The following DNM1 variants were observed in gnomAD, a reference collection of about 807,000 sequenced individuals.
DNM1 encodes the protein dynamin 1.
DNM1 carries 29 observed loss-of-function variants against 104.6 expected under a neutral mutation model. The observed-to-expected ratio is 0.28, with a 90% CI of 0.21 to 0.38. DNM1 has a LOEUF of 0.38. Ranked by LOEUF, DNM1 falls within the 10% of genes least tolerant of loss-of-function variation. The pLI is 1.00. For synonymous variants in DNM1, 445 were observed against 475.8 expected, an observed-to-expected ratio of 0.94 and a Z score of 0.84; for missense variants, 640 against 1,189.4, an observed-to-expected ratio of 0.54 and a Z score of 6.79.
intron 10 of DNM1, among the ~76,000 whole-genome samples, chr9:128,225,414 G>C (rs1835281799): frequency 6.6e-6 from 1 of 152,162 alleles, no homozygotes; most frequent in African/African-American, 2.4e-5. Context: ...GCAACCCTAG[G>C]AGGCAGCCTC....
chr9:128,207,403 A>G (rs898363028), intron 1 of DNM1, among the ~76,000 whole-genome samples: 7 of 152,052 alleles, frequency 4.6e-5, no homozygotes, highest in African/African-American at 1.7e-4. Context: ...CCCAGCACAC[A>G]CCAGCCTTTC....
rs200136679 is a variant in DNM1, at chr9:128,220,289, G to A, written c.797G>A (p.Arg266His). 66 of 1,614,170 alleles carry A rather than the reference G, an allele frequency of 4.1e-5. No individual in the cohort carries two copies. In the East Asian group the frequency reaches 1.2e-3, roughly 29 times the overall value. ...TTCTTCCTCTCCCATCCATCTTATC[G>A]CCACTTGGCTGACCGTATGGGCACG... ...RKFFLSHPSY[R>H]HLADRMGTPY... The change falls in exon 6 of 22, where the codon CGC (arginine) becomes CAC (histidine). Residue 266 changes from arginine (R) to histidine (H), a missense_variant. Around this residue, in one of 7 missense-constraint regions of DNM1, gnomAD observed 81 missense variants for 99.8 expected, o/e 0.81. Transcript: ENST00000372923. This position sits in a 1 kb window ranked among gnomAD's most constrained non-coding sequence, Gnocchi z 5.2.
At position 128,224,205 on chromosome 9, in the gene DNM1, G is replaced by T. The variant is rs749694696; in HGVS notation, c.1197-46G>T. ...AGCCTCGGCCTGGCCCTCCTGGCCG[G>T]CACTGGCCTGTGACACTCTGCCCTT... On this transcript the variant is annotated intron_variant, in intron 9 of 21. Coordinates refer to ENST00000372923, the MANE Select transcript of DNM1 (RefSeq NM_004408.4). This position sits in a 1 kb window ranked among gnomAD's most constrained non-coding sequence, Gnocchi z 4.3. The T allele has an allele frequency of 3.1e-6, 5 of 1,589,516 alleles. No homozygotes were observed. In the East Asian group the frequency reaches 1.1e-4, roughly 36 times the overall value.
At chr9:128,230,292 A>G (rs928664629) in intron 10 of DNM1, among the ~76,000 whole-genome samples, 1 of 148,744 alleles carries the variant, frequency 6.7e-6, no homozygotes, top group African/African-American at 2.5e-5. Flanking sequence ...ATTGTTGGGA[A>G]AAAAAAAAAG....
chr9:128,226,692 A>T (rs1835362144), intron 10 of DNM1, among the ~76,000 whole-genome samples: 1 of 152,200 alleles, frequency 6.6e-6, no homozygotes, highest in African/African-American at 2.4e-5. Context: ...AGCATATTGG[A>T]TTACTCACTT....
intron 11 of DNM1, among the ~76,000 whole-genome samples, chr9:128,235,510 T>C (rs1835957779): frequency 6.6e-6 from 1 of 150,962 alleles, no homozygotes; most frequent in African/African-American, 2.4e-5. Context: ...AAAAAAAAGC[T>C]GCTTCCTTTT....
At chr9:128,230,007 C>G (rs962872766) in intron 10 of DNM1, among the ~76,000 whole-genome samples, 3 of 151,700 alleles carry the variant, frequency 2.0e-5, no homozygotes, top group Non-Finnish European at 4.4e-5. Flanking sequence ...ATCACGAGGT[C>G]AGGAGTTCAA....
In DNM1 at chr9:128,218,370, A is replaced by G. The variant is rs907480629; in HGVS notation, c.235+66A>G. ...CAGCCTCTCCCCCGTCCCCAAGCTG[A>G]GGGCCAGCCTGGCCACGAACTTGCT... On this transcript the variant is annotated intron_variant, in intron 2 of 21. Transcript: ENST00000372923. The surrounding 1 kb of genome is among the most constrained non-coding windows in gnomAD (Gnocchi z 4.8). 6.1e-5 allele frequency: 96 copies of G among 1,570,510 alleles called. No homozygotes were observed. Among genetic ancestry groups the G allele is most frequent in the Admixed American group, 2.7e-4 (16 of 59,950 alleles).
Position 128,243,941 on chromosome 9 carries a change from TTGTGTGTG to T in DNM1, c.1671+1617_1671+1624del, listed in dbSNP as rs34446611. On this transcript the variant is annotated intron_variant, in intron 15 of 21. Transcript: ENST00000372923. The surrounding 1 kb of genome is among the most constrained non-coding windows in gnomAD (Gnocchi z 4.0). ...GTGGGTGCTGGGAGGCGGGGTGTGTTTGTGTGTGTGTGTGTGTGTGTGTGTGTGGCTTG... is the reference window on the plus strand; with the variant it reads ...GTGGGTGCTGGGAGGCGGGGTGTGTTTGTGTGTGTGTGTGTGTGTGGCTTG... 2.2e-4 allele frequency among the ~76,000 whole-genome samples: 31 copies of T among 143,826 alleles called. No individual in the cohort carries two copies. The highest frequency in any genetic ancestry group is 7.6e-4 in the African/African-American group (30 of 39,530). The allele number at this position is 143,826 out of a possible 152,430, so 94.4% of individuals were successfully genotyped here.
chr9:128,254,359 T>C lies in DNM1; in HGVS notation c.2535-295T>C. The C allele has an allele frequency of 7.1e-7, 1 of 1,406,928 alleles. No individual in the cohort carries two copies. The highest frequency in any genetic ancestry group is 1.6e-5 in the South Asian group (1 of 61,332). The allele number at this position is 1,406,928 out of a possible 1,614,324, so 87.2% of individuals were successfully genotyped here. Reference sequence around the variant, plus strand: ...GAGGGGGCCGAGCATCAGCCTGAATTGCGGGTGCCCTGCCTGGGTGCCGTG... The same window carrying C: ...GAGGGGGCCGAGCATCAGCCTGAATCGCGGGTGCCCTGCCTGGGTGCCGTG... On this transcript the variant is annotated intron_variant, in intron 21 of 21. Transcript: ENST00000372923. This position sits in a 1 kb window ranked among gnomAD's most constrained non-coding sequence, Gnocchi z 6.1.
chr9:128,219,621 C>T (rs538985416), intron 4 of DNM1, among the ~76,000 whole-genome samples: 13 of 152,090 alleles, frequency 8.5e-5, no homozygotes, highest in South Asian at 8.3e-4. Flanking sequence ...GTGAGCCCTA[C>T]TCGCACCACT....
Position 128,253,738 on chromosome 9 carries a change from C to G in DNM1, c.2535-916C>G. The G allele has an allele frequency of 2.8e-6, 1 of 353,644 alleles. No homozygotes were observed. The highest frequency in any genetic ancestry group is 5.0e-6 in the Non-Finnish European group (1 of 201,448). 21.9% of individuals were successfully genotyped at this position (353,644 alleles called of 1,614,324 possible). A position where few individuals can be genotyped will look rare whatever the true frequency, so the allele number is the denominator to read the frequency against. On this transcript the variant is annotated intron_variant, in intron 21 of 21. Coordinates refer to ENST00000372923, the MANE Select transcript of DNM1 (RefSeq NM_004408.4). This position sits in a 1 kb window ranked among gnomAD's most constrained non-coding sequence, Gnocchi z 5.9. ...ATACACACGGTCATCCCACGACATACCTCACAGGCCAGGCAGGGACACACA... is the reference window on the plus strand; with the variant it reads ...ATACACACGGTCATCCCACGACATAGCTCACAGGCCAGGCAGGGACACACA...
At chr9:128,237,290 C>G (rs944136382) in intron 11 of DNM1, among the ~76,000 whole-genome samples, 1 of 150,990 alleles carries the variant, frequency 6.6e-6, no homozygotes, top group African/African-American at 2.4e-5. Flanking sequence ...GAGACGGAGT[C>G]TCTCTCAGTT....
At chr9:128,211,065 A>C (rs577479524) in intron 1 of DNM1, among the ~76,000 whole-genome samples, 1 of 152,234 alleles carries the variant, frequency 6.6e-6, no homozygotes, top group South Asian at 2.1e-4. Flanking sequence ...CCCAAGATCA[A>C]CTGCCTGCCG....
In DNM1 at chr9:128,234,148, A is replaced by C; in HGVS notation, c.1422+41A>C. On this transcript the variant is annotated intron_variant, in intron 11 of 21. Transcript: ENST00000372923. The stretch of plus-strand genomic sequence containing the variant: ...CCCGGCCTGGCCGCGCCTTCCTTCC[A>C]CTCCTGGCCGCCTGCGCCTTCCACT... 4.8e-6 allele frequency: 7 copies of C among 1,450,836 alleles called. No individual in the cohort carries two copies. The East Asian group carries it at 8.1e-5, about 17-fold the overall frequency. 89.9% of individuals were successfully genotyped at this position (1,450,836 alleles called of 1,614,324 possible).
chr9:128,251,033 C>T, intron 21 of DNM1, 93 bp downstream of exon 21: 1 of 844,902 alleles, frequency 1.2e-6, no homozygotes, highest in Non-Finnish European at 1.9e-6. Flanking sequence ...GACCTGGCCG[C>T]CAGAACCGGC....
chr9:128,254,346 C>T lies in DNM1; in HGVS notation c.2535-308C>T. 2 of 1,405,926 alleles carry T rather than the reference C, an allele frequency of 1.4e-6. No homozygotes were observed. The highest frequency in any genetic ancestry group is 1.8e-6 in the Non-Finnish European group (2 of 1,089,022). 87.1% of individuals were successfully genotyped at this position (1,405,926 alleles called of 1,614,324 possible). On this transcript the variant is annotated intron_variant, in intron 21 of 21. Coordinates refer to ENST00000372923, the MANE Select transcript of DNM1 (RefSeq NM_004408.4). This position sits in a 1 kb window ranked among gnomAD's most constrained non-coding sequence, Gnocchi z 6.1. Reference sequence around the variant, plus strand: ...AAGAGGGAAGCCCGAGGGGGCCGAGCATCAGCCTGAATTGCGGGTGCCCTG... The same window carrying T: ...AAGAGGGAAGCCCGAGGGGGCCGAGTATCAGCCTGAATTGCGGGTGCCCTG...
chr9:128,207,906 G>T (rs140912849), intron 1 of DNM1, among the ~76,000 whole-genome samples: 609 of 152,154 alleles, frequency 4.0e-3, no homozygotes, highest in Non-Finnish European at 7.3e-3. Context: ...CCAGGGTAGG[G>T]TAGGGGTCCT....
intron 10 of DNM1, chr9:128,226,011 T>A: frequency 6.2e-7 from 1 of 1,611,164 alleles, no homozygotes; most frequent in Non-Finnish European, 8.5e-7. Flanking sequence ...CCTCCTCCTG[T>A]CCCCACCTCC....
Sources: gnomAD v4.1 joint callset for allele counts (sites outside exome capture counted in the v4.1 genomes callset) on GRCh38, gnomAD v4.1.1 for gene constraint, gnomAD v4.1.1 regional missense constraint, Gnocchi (gnomAD v3.1) non-coding constraint, MANE v1.5 for transcripts, NCBI Gene and HGNC (gene_info 2026-07-23, HGNC 2026-07-21) for gene names.